Variants in AMBP observed in about 807,000 individuals in gnomAD.
AMBP encodes alpha-1-microglobulin/bikunin precursor, also known as protein AMBP.
AMBP carries 37 observed loss-of-function variants against 46.3 expected under a neutral mutation model. That is an observed-to-expected ratio of 0.80 (90% CI 0.61 to 1.05). AMBP has a LOEUF of 1.05. Ranked by LOEUF, AMBP falls within the 50% of genes least tolerant of loss-of-function variation. AMBP has a pLI of 0.00. For synonymous variants in AMBP, 174 were observed against 175.9 expected, an observed-to-expected ratio of 0.99 and a Z score of 0.09; for missense variants, 475 against 461.2, an observed-to-expected ratio of 1.03 and a Z score of -0.27.
At position 114,078,230 on chromosome 9, in the gene AMBP, T is replaced by C. The variant is rs886806853; in HGVS notation, c.-21A>G. ...CTCATGGCTATGGGCTCCTCTGCCT[T>C]GGTATATCCCACAGGCTCGGTCTAG... On this transcript the variant is annotated 5_prime_UTR_variant, in exon 1 of 10. Coordinates refer to ENST00000265132, the MANE Select transcript of AMBP (RefSeq NM_001633.4). 25 of 1,606,250 alleles carry C rather than the reference T, an allele frequency of 1.6e-5. No individual in the cohort carries two copies. The highest frequency in any genetic ancestry group is 2.7e-5 in the African/African-American group (2 of 74,876).
intron 1 of AMBP, among the ~76,000 whole-genome samples, chr9:114,077,332 T>C (rs1846824600): frequency 6.6e-6 from 1 of 152,104 alleles, no homozygotes; most frequent in Admixed American, 6.5e-5. Flanking sequence ...GCCACGACCT[T>C]TCCTTGTCCC....
chr9:114,076,795 C>T, intron 1 of AMBP, 55 bp from the exon 2 acceptor site: 8 of 1,587,912 alleles, frequency 5.0e-6, no homozygotes, highest in Non-Finnish European at 6.9e-6. Flanking sequence ...TCAAAGCAGA[C>T]CTGGCTGACA....
chr9:114,067,500 T>C (rs12378445), intron 6 of AMBP, among the ~76,000 whole-genome samples: 52,188 of 151,814 alleles, frequency 0.34, 9,643 homozygotes, highest in African/African-American at 0.49. Context: ...ACGTGATCCT[T>C]CTGCCTCACC....
intron 2 of AMBP, 113 bp from the exon 3 acceptor site, chr9:114,075,149 T>G: frequency 1.3e-6 from 1 of 760,520 alleles, no homozygotes; most frequent in Non-Finnish European, 2.2e-6. Flanking sequence ...TTTTTTTGTT[T>G]GTGTGTTTTT....
chr9:114,063,044 GA>G (rs1846657826), intron 6 of AMBP, among the ~76,000 whole-genome samples: 1 of 141,132 alleles, frequency 7.1e-6, no homozygotes, highest in South Asian at 2.3e-4. Flanking sequence ...ATATAGTAAT[GA>G]AAAGGTACCT....
chr9:114,060,418 C>G, intron 9 of AMBP, 148 bp from the exon 10 acceptor site: 1 of 873,542 alleles, frequency 1.1e-6, no homozygotes. Context: ...TTTTTTTTTC[C>G]TCTTCTGGTT....
chr9:114,060,888 C>A, intron 9 of AMBP, 37 bp downstream of exon 9: 1 of 1,594,636 alleles, frequency 6.3e-7, no homozygotes, highest in African/African-American at 1.3e-5. Context: ...CTCCAACAGC[C>A]CCTCGGCCCA....
rs145623184 is a variant in AMBP, at chr9:114,075,588, G to A, written c.261-552C>T. 3.3e-3 allele frequency among the ~76,000 whole-genome samples: 501 copies of A among 152,324 alleles called. 4 individuals are homozygous for A. Among genetic ancestry groups the A allele is most frequent in the African/African-American group, 0.011 (466 of 41,576 alleles). The stretch of plus-strand genomic sequence containing the variant: ...TTATTGGGCAGCACCTATGTGGCAA[G>A]CCCTGTGCTACATGGCAGGGATACA... On this transcript the variant is annotated intron_variant, in intron 2 of 9. Transcript: ENST00000265132.
At chr9:114,065,571 G>A (rs947748664) in intron 6 of AMBP, among the ~76,000 whole-genome samples, 17 of 152,152 alleles carry the variant, frequency 1.1e-4, no homozygotes, top group African/African-American at 4.1e-4. Flanking sequence ...TGTTACGGCA[G>A]CCCCCGGAAA....
At chr9:114,065,889 A>G (rs529574343) in intron 6 of AMBP, among the ~76,000 whole-genome samples, 1 of 152,218 alleles carries the variant, frequency 6.6e-6, no homozygotes, top group African/African-American at 2.4e-5. Context: ...CTCAGAAGTG[A>G]ATAAAAAAAT....
chr9:114,063,337 T>C (rs547594610), intron 6 of AMBP, among the ~76,000 whole-genome samples: 19 of 152,192 alleles, frequency 1.2e-4, no homozygotes, highest in Non-Finnish European at 2.2e-4. Context: ...AGGGCAATTA[T>C]AGAAGAGATG....
intron 5 of AMBP, chr9:114,070,053 T>TA: frequency 2.7e-6 from 1 of 366,912 alleles, no homozygotes; most frequent in Non-Finnish European, 4.9e-6. Context: ...CTATTGTACT[T>TA]AATGGTTTTA....
At chr9:114,076,791 C>T in intron 1 of AMBP, 51 bp from the exon 2 acceptor site, 1 of 1,593,688 alleles carries the variant, frequency 6.3e-7, no homozygotes, top group South Asian at 1.1e-5. Context: ...GACCTCAAAG[C>T]AGACCTGGCT....
At chr9:114,074,605 T>C (rs1846784781) in intron 3 of AMBP, among the ~76,000 whole-genome samples, 1 of 152,184 alleles carries the variant, frequency 6.6e-6, no homozygotes, top group African/African-American at 2.4e-5. Context: ...AACTAACAAA[T>C]AAATTAATGT....
intron 6 of AMBP, among the ~76,000 whole-genome samples, chr9:114,064,374 T>C (rs955109803): frequency 3.3e-5 from 5 of 152,180 alleles, no homozygotes; most frequent in African/African-American, 1.2e-4. Context: ...TTATGTGATT[T>C]ACTGGGAATA....
chr9:114,060,413 T>C (rs1228399625), intron 9 of AMBP, 143 bp from the exon 10 acceptor site: 19 of 930,786 alleles, frequency 2.0e-5, no homozygotes, highest in Non-Finnish European at 2.9e-5. Context: ...TCAGATTTTT[T>C]TTTCCTCTTC....
chr9:114,075,450 C>T (rs1846796067), intron 2 of AMBP, among the ~76,000 whole-genome samples: 1 of 152,226 alleles, frequency 6.6e-6, no homozygotes, highest in Non-Finnish European at 1.5e-5. Context: ...ATAGTTTCTA[C>T]CTCACATGGT....
chr9:114,073,502 T>G (rs60295305), intron 4 of AMBP, among the ~76,000 whole-genome samples: 3,774 of 148,766 alleles, frequency 0.025, 162 homozygotes, highest in African/African-American at 0.089. Flanking sequence ...TGTTTTTTTT[T>G]TTTTTTTTTT....
chr9:114,066,246 C>T (rs372034699), intron 6 of AMBP, among the ~76,000 whole-genome samples: 1 of 152,340 alleles, frequency 6.6e-6, no homozygotes, highest in East Asian at 1.9e-4. Flanking sequence ...ATGTCTTCTC[C>T]CCTACAGGTG....
Sources: gnomAD v4.1 joint callset for allele counts (sites outside exome capture counted in the v4.1 genomes callset) on GRCh38, gnomAD v4.1.1 for gene constraint, MANE v1.5 for transcripts, NCBI Gene and HGNC (gene_info 2026-07-23, HGNC 2026-07-21) for gene names.